PTPRT: variants seen among roughly 807,000 people sequenced by gnomAD.
PTPRT encodes the protein protein tyrosine phosphatase receptor type T.
A neutral mutation model predicts 176.8 loss-of-function variants in PTPRT; 56 were observed. The ratio of observed to expected loss-of-function variants is 0.32; its 90% CI spans 0.26 to 0.40. PTPRT has a LOEUF of 0.40. Ranked by LOEUF, PTPRT falls within the 10% of genes least tolerant of loss-of-function variation. PTPRT has a pLI of 1.00. For synonymous variants in PTPRT, 783 were observed against 739.0 expected, an observed-to-expected ratio of 1.06 and a Z score of -0.96; for missense variants, 1,540 against 1,908.2, an observed-to-expected ratio of 0.81 and a Z score of 3.60.
intron 1 of PTPRT, among the ~76,000 whole-genome samples, chr20:43,132,925 A>C (rs2013693494): frequency 6.6e-6 from 1 of 152,192 alleles, no homozygotes; most frequent in Non-Finnish European, 1.5e-5. Flanking sequence ...TGAGTAAAGG[A>C]AAAGGTAAAG....
intron 7 of PTPRT, among the ~76,000 whole-genome samples, chr20:42,489,398 G>C (rs1174739277): frequency 6.6e-6 from 1 of 151,924 alleles, no homozygotes; most frequent in Non-Finnish European, 1.5e-5. Flanking sequence ...ACTTTCCCCT[G>C]TTGACCTATG....
intron 1 of PTPRT, among the ~76,000 whole-genome samples, chr20:43,058,294 G>A (rs1187625771): frequency 1.3e-5 from 2 of 152,056 alleles, no homozygotes; most frequent in African/African-American, 4.8e-5. Context: ...AGTAGTGAGA[G>A]AGATCGGGTG....
At chr20:43,095,227 G>A (rs951059690) in intron 1 of PTPRT, among the ~76,000 whole-genome samples, 1 of 152,054 alleles carries the variant, frequency 6.6e-6, no homozygotes, top group African/African-American at 2.4e-5. Flanking sequence ...CTTGCAGGGT[G>A]GCCTCTCATC....
chr20:42,720,527 A>C (rs2076287627), intron 6 of PTPRT, among the ~76,000 whole-genome samples: 1 of 152,230 alleles, frequency 6.6e-6, no homozygotes, highest in Non-Finnish European at 1.5e-5. Context: ...GTCAAAGGCA[A>C]GAAAAAACTG....
intron 11 of PTPRT, among the ~76,000 whole-genome samples, chr20:42,345,580 ATATGTGTGTGTGTGTG>A (rs1437853397): frequency 3.9e-4 from 34 of 86,456 alleles, no homozygotes; most frequent in Non-Finnish European, 7.1e-4. Flanking sequence ...ACATACATAT[ATATGTGTGTGTGTGTG>A]TGTGTGTGTG....
At chr20:42,143,258 A>G (rs1439545380) in intron 17 of PTPRT, among the ~76,000 whole-genome samples, 1 of 152,194 alleles carries the variant, frequency 6.6e-6, no homozygotes, top group African/African-American at 2.4e-5. Flanking sequence ...GAGATCTGCT[A>G]GAAAGTTGTG....
chr20:43,018,462 T>C (rs1479264399), intron 1 of PTPRT, among the ~76,000 whole-genome samples: 1 of 152,196 alleles, frequency 6.6e-6, no homozygotes, highest in Non-Finnish European at 1.5e-5. Flanking sequence ...AAAGACTATT[T>C]TGAGGGTGAC....
chr20:43,160,016 A>T (rs2014647985), intron 1 of PTPRT, among the ~76,000 whole-genome samples: 1 of 146,656 alleles, frequency 6.8e-6, no homozygotes, highest in African/African-American at 2.5e-5. Flanking sequence ...AAAAAAAAAA[A>T]GAAAGAAAAA....
intron 2 of PTPRT, among the ~76,000 whole-genome samples, chr20:42,857,952 A>T (rs1322966168): frequency 2.0e-5 from 3 of 151,566 alleles, no homozygotes; most frequent in Non-Finnish European, 4.4e-5. Context: ...TATGTTTATC[A>T]TCTATCTCTC....
At chr20:43,163,868 C>T (rs550573426) in intron 1 of PTPRT, among the ~76,000 whole-genome samples, 2 of 152,318 alleles carry the variant, frequency 1.3e-5, no homozygotes, top group East Asian at 3.9e-4. Flanking sequence ...TCCTCAACCT[C>T]TCCTTTACGA....
chr20:43,083,921 T>A, intron 1 of PTPRT, among the ~76,000 whole-genome samples: 1 of 152,220 alleles, frequency 6.6e-6, no homozygotes, highest in Non-Finnish European at 1.5e-5. Flanking sequence ...CTTGTTTCAC[T>A]TAGCATGATG....
At chr20:43,165,175 T>A (rs1044605039) in intron 1 of PTPRT, among the ~76,000 whole-genome samples, 2 of 147,890 alleles carry the variant, frequency 1.4e-5, no homozygotes, top group Non-Finnish European at 3.0e-5. Flanking sequence ...TTTTTTTTTT[T>A]GAGACTGAGT....
chr20:42,856,609 G>T (rs889621074), intron 2 of PTPRT, among the ~76,000 whole-genome samples: 24 of 151,962 alleles, frequency 1.6e-4, no homozygotes, highest in Non-Finnish European at 3.2e-4. Context: ...GTTCCCCCAG[G>T]GTTGTCTTCT....
chr20:43,184,307 T>C (rs1358392186), intron 1 of PTPRT, among the ~76,000 whole-genome samples: 1 of 152,154 alleles, frequency 6.6e-6, no homozygotes, highest in African/African-American at 2.4e-5. Flanking sequence ...AGTCTGAAGG[T>C]GCATCTGATG....
At chr20:42,273,039 C>T (rs1038224844) in intron 13 of PTPRT, among the ~76,000 whole-genome samples, 12 of 152,324 alleles carry the variant, frequency 7.9e-5, no homozygotes, top group African/African-American at 2.6e-4. Flanking sequence ...TCTTGCCCAC[C>T]AGTGACATCC....
intron 2 of PTPRT, among the ~76,000 whole-genome samples, chr20:42,851,380 T>G (rs1252781671): frequency 6.6e-6 from 1 of 152,212 alleles, no homozygotes; most frequent in African/African-American, 2.4e-5. Flanking sequence ...TATTCTTAAC[T>G]TTATTAACTC....
intron 1 of PTPRT, among the ~76,000 whole-genome samples, chr20:43,178,088 G>A (rs1057453122): frequency 6.6e-6 from 1 of 152,198 alleles, no homozygotes; most frequent in Non-Finnish European, 1.5e-5. Flanking sequence ...GGGTGTTTGC[G>A]TGATTAAGCT....
intron 1 of PTPRT, among the ~76,000 whole-genome samples, chr20:43,068,591 G>A (rs909763866): frequency 6.6e-6 from 1 of 151,886 alleles, no homozygotes; most frequent in Non-Finnish European, 1.5e-5. Context: ...ACAACTGGGG[G>A]TATAACAACA....
chr20:42,224,864 C>T (rs550279750), intron 15 of PTPRT, among the ~76,000 whole-genome samples: 25 of 152,264 alleles, frequency 1.6e-4, no homozygotes, highest in Admixed American at 1.3e-3. Context: ...GACAACCTTG[C>T]CTTTTTAAAG....
Sources: gnomAD v4.1 joint callset for allele counts (sites outside exome capture counted in the v4.1 genomes callset) on GRCh38, gnomAD v4.1.1 for gene constraint, MANE v1.5 for transcripts, NCBI Gene and HGNC (gene_info 2026-07-23, HGNC 2026-07-21) for gene names.